Variants in GARRE1 observed in about 807,000 individuals in gnomAD.
GARRE1 encodes the protein granule associated Rac and RHOG effector 1.
A neutral mutation model predicts 103.2 loss-of-function variants in GARRE1; 49 were observed. The observed-to-expected ratio is 0.47, with a 90% CI of 0.38 to 0.60. The LOEUF (loss-of-function observed/expected upper bound fraction) is 0.60. Among genes scored for constraint, GARRE1 ranks in the 20% least tolerant of loss-of-function variants. GARRE1 has a pLI of 0.00. For missense variants in GARRE1, 1,199 were observed against 1,370.5 expected (o/e 0.87, Z 1.98); for synonymous variants, 505 against 532.8 (o/e 0.95, Z 0.72).
At chr19:34,268,974 C>T (rs1375151907) in intron 1 of GARRE1, among the ~76,000 whole-genome samples, 1 of 152,088 alleles carries the variant, frequency 6.6e-6, no homozygotes, top group Non-Finnish European at 1.5e-5. Context: ...CAAAATTAAG[C>T]CTGTTCTTTA....
At chr19:34,265,786 A>T (rs1433140764) in intron 1 of GARRE1, among the ~76,000 whole-genome samples, 1 of 152,170 alleles carries the variant, frequency 6.6e-6, no homozygotes, top group Non-Finnish European at 1.5e-5. Flanking sequence ...TCATTTACGG[A>T]GACTGAGGGT....
chr19:34,352,685 G>T lies in GARRE1; in HGVS notation c.2943G>T (p.Trp981Cys). 6.2e-7 allele frequency: 1 copy of T among 1,613,432 alleles called. No homozygotes were observed. The highest frequency in any genetic ancestry group is 1.1e-5 in the South Asian group (1 of 91,066). ...AAACGTGGCCACCCAAAGCACCCTG[G>T]CAGCACCCTTCCCCGCTTCCCAGCA... ...KTKTWPPKAP[W>C]QHPSPLPSTL... is the part of the protein sequence containing the mutation. Residue 981 changes from tryptophan (W) to cysteine (C), a missense_variant, in exon 14 of 14, where the codon TGG (tryptophan) becomes TGT (cysteine). Trp to Cys is a radical substitution (Grantham distance 215, BLOSUM62 -2). Transcript: ENST00000299505.
chr19:34,321,855 A>G (rs745944472), intron 3 of GARRE1, among the ~76,000 whole-genome samples: 7 of 152,194 alleles, frequency 4.6e-5, no homozygotes, highest in Non-Finnish European at 1.0e-4. Context: ...GCCATCATGC[A>G]AGAGCTAGAC....
rs778313858 is a variant in GARRE1, at chr19:34,352,910, C to T, written c.3168C>T (p.Phe1056=). ...HKAAPKGFKA[F]PGKGERRPAY... ...CAGCACCCAAGGGCTTCAAGGCCTT[C>T]CCTGGGAAGGGTGAGCGCAGGCCAG... Residue 1056 remains phenylalanine, a synonymous_variant, in exon 14 of 14, where the codon TTC becomes TTT. Transcript: ENST00000299505. The T allele has an allele frequency of 1.1e-5, 17 of 1,553,654 alleles. No individual in the cohort carries two copies. The East Asian group carries it at 3.9e-4, about 36-fold the overall frequency.
intron 2 of GARRE1, among the ~76,000 whole-genome samples, chr19:34,313,528 G>A (rs944627316): frequency 2.0e-5 from 3 of 152,192 alleles, no homozygotes; most frequent in Non-Finnish European, 2.9e-5. Context: ...GGCATCTAGT[G>A]CGACAGAGCG....
In GARRE1 at chr19:34,341,792, A is replaced by G; in HGVS notation, c.1858A>G (p.Met620Val). 1 of 1,611,678 alleles carries G rather than the reference A, an allele frequency of 6.2e-7. No homozygotes were observed. Among genetic ancestry groups the G allele is most frequent in the Non-Finnish European group, 8.5e-7 (1 of 1,177,728 alleles). ...TAATACAGTGGCCAATGGCTTTCTC[A>G]TGGAGAGGCGTGAGAACTTCCTGCA... is the stretch of plus-strand genomic sequence containing the variant. ...SSNTVANGFL[M>V]ERRENFLHGD... The change falls in exon 10 of 14, where the codon ATG becomes GTG. Residue 620 changes from methionine (M) to valine (V), a missense_variant. Coordinates refer to ENST00000299505, the MANE Select transcript of GARRE1 (RefSeq NM_014686.5).
intron 2 of GARRE1, among the ~76,000 whole-genome samples, chr19:34,319,077 G>T (rs2074073011): frequency 6.6e-6 from 1 of 152,132 alleles, no homozygotes; most frequent in South Asian, 2.1e-4. Flanking sequence ...ATGCAAGAAA[G>T]TAACAGGGAG....
rs148353127 is a variant in GARRE1, at chr19:34,319,981, G to T, written c.570G>T (p.Gln190His). ...TGACTCATGCGTTACAGAAGGTCCA[G>T]CCGGTGGCTCACTCTTGCTTTGCTG... is the stretch of plus-strand genomic sequence containing the variant. ...QFLTHALQKV[Q>H]PVAHSCFAEV... Residue 190 changes from glutamine (Q) to histidine (H), a missense_variant, in exon 3 of 14, where the codon CAG (glutamine) becomes CAT (histidine). Transcript: ENST00000299505. The T allele has an allele frequency of 1.3e-4, 209 of 1,614,138 alleles. No individual in the cohort carries two copies. Among genetic ancestry groups the T allele is most frequent in the Non-Finnish European group, 1.7e-4 (199 of 1,180,054 alleles).
rs970514492 is a variant in GARRE1 at position 34,300,067 on chromosome 19, G to A, written c.-407G>A. On this transcript the variant is annotated 5_prime_UTR_variant, in exon 2 of 14. Coordinates refer to ENST00000299505, the MANE Select transcript of GARRE1 (RefSeq NM_014686.5). ...GGTTTTTGGGTTCTAACTTTTTTGG[G>A]TATATTGAAGACACAGTGTATTACA... is the stretch of plus-strand genomic sequence containing the variant. 1 of 158,190 alleles carries A rather than the reference G, an allele frequency of 6.3e-6. No homozygotes were observed. The highest frequency in any genetic ancestry group is 1.9e-4 in the East Asian group (1 of 5,370). The allele number at this position is 158,190 out of a possible 1,614,324, so 9.8% of individuals were successfully genotyped here. A position where few individuals can be genotyped will look rare whatever the true frequency, so the allele number is the denominator to read the frequency against.
chr19:34,316,794 A>G (rs1364707936), intron 2 of GARRE1, among the ~76,000 whole-genome samples: 1 of 152,210 alleles, frequency 6.6e-6, no homozygotes, highest in African/African-American at 2.4e-5. Flanking sequence ...GGAGGTGTAC[A>G]GTAGCTGAGC....
intron 1 of GARRE1, chr19:34,285,199 T>G (rs2073879101): frequency 6.6e-6 from 1 of 152,248 alleles, no homozygotes; most frequent in Non-Finnish European, 1.5e-5. Flanking sequence ...ATGCACCTCA[T>G]GTACCCATCA....
chr19:34,322,201 C>G (rs573697315), intron 3 of GARRE1, among the ~76,000 whole-genome samples: 1 of 152,146 alleles, frequency 6.6e-6, no homozygotes, highest in East Asian at 1.9e-4. Flanking sequence ...GACAGAGTTT[C>G]GCTCTTGTTG....
At chr19:34,262,390 G>C (rs2073724544) in intron 1 of GARRE1, among the ~76,000 whole-genome samples, 1 of 145,126 alleles carries the variant, frequency 6.9e-6, no homozygotes, top group African/African-American at 2.6e-5. Context: ...CCACCTCCTG[G>C]GTCGAAGCAA....
rs928784973 is a variant in GARRE1, at chr19:34,355,214, T to C, written c.*2259T>C. On this transcript the variant is annotated 3_prime_UTR_variant, in exon 14 of 14. Transcript: ENST00000299505. ...ACTAATTGTCACTTTCCAGTTTGTT[T>C]TTCTCTATTAAGGAAGACATTTTCT... 6.5e-6 allele frequency: 1 copy of C among 152,684 alleles called. No homozygotes were observed. Among genetic ancestry groups the C allele is most frequent in the Non-Finnish European group, 1.5e-5 (1 of 68,052 alleles). 9.5% of individuals were successfully genotyped at this position (152,684 alleles called of 1,614,324 possible).
At chr19:34,327,894 G>C (rs1286585901) in intron 5 of GARRE1, 28 bp downstream of exon 5, 1 of 1,613,328 alleles carries the variant, frequency 6.2e-7, no homozygotes, top group Admixed American at 1.7e-5. Context: ...AAAGCTCTGG[G>C]GACCTATGGC....
At chr19:34,269,762 A>C (rs1030927239) in intron 1 of GARRE1, among the ~76,000 whole-genome samples, 17 of 152,126 alleles carry the variant, frequency 1.1e-4, no homozygotes, top group Non-Finnish European at 1.5e-4. Context: ...TTGACTAGAA[A>C]AATAGTTTAA....
chr19:34,277,917 C>A, intron 1 of GARRE1, among the ~76,000 whole-genome samples: 1 of 118,686 alleles, frequency 8.4e-6, no homozygotes, highest in Middle Eastern at 5.2e-3. Flanking sequence ...CCCCCCCACC[C>A]CCAGCAGTTT....
At chr19:34,303,412 A>G (rs1001807256) in intron 2 of GARRE1, among the ~76,000 whole-genome samples, 5 of 152,252 alleles carry the variant, frequency 3.3e-5, no homozygotes. Flanking sequence ...TTAACCAAAA[A>G]AAGAACTTGA....
At chr19:34,306,741 T>C (rs559436179) in intron 2 of GARRE1, among the ~76,000 whole-genome samples, 15 of 152,318 alleles carry the variant, frequency 9.8e-5, no homozygotes, top group African/African-American at 2.6e-4. Context: ...AAATTACTTT[T>C]TCAGTGGAAG....
Sources: gnomAD v4.1 joint callset for allele counts (sites outside exome capture counted in the v4.1 genomes callset) on GRCh38, gnomAD v4.1.1 for gene constraint, MANE v1.5 for transcripts, NCBI Gene and HGNC (gene_info 2026-07-23, HGNC 2026-07-21) for gene names.